Variants in CFAP69 observed in about 807,000 individuals in gnomAD.
The protein encoded by CFAP69 is cilia and flagella associated protein 69.
In CFAP69, 92 loss-of-function variants were observed where a neutral mutation model predicts 123.0. The ratio of observed to expected loss-of-function variants is 0.75; its 90% CI spans 0.63 to 0.89. CFAP69 has a LOEUF of 0.89. Among genes scored for constraint, CFAP69 ranks in the 40% least tolerant of loss-of-function variants. CFAP69 has a pLI of 0.00. For missense variants in CFAP69, 1,067 were observed against 1,096.9 expected, an observed-to-expected ratio of 0.97 and a Z score of 0.39; for synonymous variants, 380 against 364.3, an observed-to-expected ratio of 1.04 and a Z score of -0.49.
Position 90,245,509 on chromosome 7 carries a change from G to C in CFAP69, c.85G>C (p.Val29Leu), listed in dbSNP as rs573264446. ...NKSSSSSQIPVVGVVTEDDEA... is the reference protein window; with the variant it reads ...NKSSSSSQIPLVGVVTEDDEA... ...GTCTAGCAGTTCCAGTCAAATCCCG[G>C]TGGTTGGGGTGGTGACGGAGGACGA... is the stretch of plus-strand genomic sequence containing the variant. Residue 29 changes from valine (V) to leucine (L), a missense_variant, in exon 1 of 23, where the codon GTG becomes CTG. Val to Leu is a conservative substitution (Grantham distance 32, BLOSUM62 1). Coordinates refer to ENST00000389297, the MANE Select transcript of CFAP69 (RefSeq NM_001039706.3). 4 of 1,529,622 alleles carry C rather than the reference G, an allele frequency of 2.6e-6. No homozygotes were observed. Among genetic ancestry groups the C allele is most frequent in the Admixed American group, 2.2e-5 (1 of 45,572 alleles). The allele number at this position is 1,529,622 out of a possible 1,614,324, so 94.8% of individuals were successfully genotyped here.
At chr7:90,269,515 A>G (rs535226365) in intron 6 of CFAP69, among the ~76,000 whole-genome samples, 14 of 152,126 alleles carry the variant, frequency 9.2e-5, no homozygotes, top group African/African-American at 3.4e-4. Flanking sequence ...ATATTTGACA[A>G]AGGAGGAGAA....
chr7:90,292,753 A>G (rs1439678854), intron 15 of CFAP69, among the ~76,000 whole-genome samples: 1 of 152,196 alleles, frequency 6.6e-6, no homozygotes, highest in East Asian at 1.9e-4. Context: ...GTTAAAAAAG[A>G]TGATTTTAGA....
intron 13 of CFAP69, among the ~76,000 whole-genome samples, chr7:90,285,157 CAGA>C (rs1191995441): frequency 6.6e-6 from 1 of 152,108 alleles, no homozygotes; most frequent in Admixed American, 6.6e-5. Context: ...ACTGGATTCC[CAGA>C]AGATGTTCCT....
intron 3 of CFAP69, among the ~76,000 whole-genome samples, 196 bp downstream of exon 3, chr7:90,258,359 G>A (rs1562844650): frequency 6.6e-6 from 1 of 152,172 alleles, no homozygotes. Context: ...AAGTCAAGAT[G>A]TTGACAGGGC....
rs1796197162 is a variant in CFAP69, at chr7:90,245,373, C to T, written c.-52C>T. The T allele has an allele frequency of 3.4e-6, 5 of 1,453,276 alleles. No homozygotes were observed. In the South Asian group the frequency reaches 5.8e-5, roughly 17 times the overall value. The allele number at this position is 1,453,276 out of a possible 1,614,324, so 90.0% of individuals were successfully genotyped here. A position where few individuals can be genotyped will look rare whatever the true frequency, so the allele number is the denominator to read the frequency against. ...CCTCTTTGGGCCCAGCGGCTGCGGG[C>T]GCACTGTAGGACAGGAAGATCCCCC... On this transcript the variant is annotated 5_prime_UTR_variant, in exon 1 of 23. Coordinates refer to ENST00000389297, the MANE Select transcript of CFAP69 (RefSeq NM_001039706.3).
chr7:90,253,527 A>T (rs1396415921), intron 1 of CFAP69, among the ~76,000 whole-genome samples: 1 of 152,068 alleles, frequency 6.6e-6, no homozygotes, highest in East Asian at 1.9e-4. Context: ...AGTAGCTGGG[A>T]TTACAGGTGC....
At chr7:90,251,801 A>C (rs1433826366) in intron 1 of CFAP69, 1 of 152,196 alleles carries the variant, frequency 6.6e-6, no homozygotes, top group Admixed American at 6.5e-5. Context: ...ATGCAAGATA[A>C]ATCTAAGAGG....
At chr7:90,296,693 A>G (rs1792031603) in intron 15 of CFAP69, among the ~76,000 whole-genome samples, 1 of 152,212 alleles carries the variant, frequency 6.6e-6, no homozygotes, top group East Asian at 1.9e-4. Flanking sequence ...TTGGTTTTAT[A>G]CGTTTTGTGG....
chr7:90,298,341 T>G (rs1223735751), intron 16 of CFAP69, among the ~76,000 whole-genome samples: 3 of 152,184 alleles, frequency 2.0e-5, no homozygotes, highest in Non-Finnish European at 4.4e-5. Context: ...GGCCTTCCAA[T>G]AGAGACAGTG....
In CFAP69 at chr7:90,304,798, T is replaced by C. The variant is rs1793325904; in HGVS notation, c.2243T>C (p.Ile748Thr). ...SAEDFVTLCI[I>T]HRYLDFKIGE... ...GAAGATTTTGTCACCCTTTGTATCATACATAGATATCTTGATTTTAAAGTA... is the reference window on the plus strand; with the variant it reads ...GAAGATTTTGTCACCCTTTGTATCACACATAGATATCTTGATTTTAAAGTA... The change falls in exon 19 of 23, where the codon ATA (isoleucine) becomes ACA (threonine). Residue 748 changes from isoleucine to threonine, a missense_variant. Transcript: ENST00000389297. 1 of 1,516,828 alleles carries C rather than the reference T, an allele frequency of 6.6e-7. No homozygotes were observed. The highest frequency in any genetic ancestry group is 1.8e-5 in the Admixed American group (1 of 55,524). 94.0% of individuals were successfully genotyped at this position (1,516,828 alleles called of 1,614,324 possible). A position where few individuals can be genotyped will look rare whatever the true frequency, so the allele number is the denominator to read the frequency against.
chr7:90,277,218 A>G lies in CFAP69; in HGVS notation c.1039A>G (p.Ser347Gly). Residue 347 changes from serine (S) to glycine (G), a missense_variant, in exon 11 of 23, where the codon AGT (serine) becomes GGT (glycine). Transcript: ENST00000389297. ...TTACTTTTTTTCCCTCACAGTTAAA[A>G]GTCAAAATCTTTTGGTAAAAGGACT... ...ILFATFNEVKSQNLLVKGLKL... is the reference protein window; with the variant it reads ...ILFATFNEVKGQNLLVKGLKL... 1 of 1,586,820 alleles carries G rather than the reference A, an allele frequency of 6.3e-7. No homozygotes were observed. The highest frequency in any genetic ancestry group is 8.5e-7 in the Non-Finnish European group (1 of 1,171,052).
intron 6 of CFAP69, 106 bp from the exon 7 acceptor site, chr7:90,271,420 T>C: frequency 1.6e-6 from 2 of 1,239,142 alleles, no homozygotes; most frequent in South Asian, 3.1e-5. Flanking sequence ...CCATATACTT[T>C]TAAAAAGTTT....
intron 15 of CFAP69, among the ~76,000 whole-genome samples, chr7:90,291,294 T>C (rs1382543842): frequency 1.3e-5 from 2 of 152,148 alleles, no homozygotes; most frequent in African/African-American, 4.8e-5. Flanking sequence ...AACATATAAG[T>C]TAACTTCCTG....
intron 16 of CFAP69, among the ~76,000 whole-genome samples, chr7:90,298,440 A>G (rs915568462): frequency 1.3e-5 from 2 of 152,186 alleles, no homozygotes; most frequent in Admixed American, 6.5e-5. Context: ...GGAAACGTAC[A>G]ATTTTGTTTC....
the CFAP69 span, chr7:90,319,265 C>T: frequency 2.5e-6 from 1 of 394,778 alleles, no homozygotes; most frequent in Non-Finnish European, 4.5e-6. Flanking sequence ...AATTTGCTAC[C>T]TTGTTGGATA....
At chr7:90,297,238 G>A (rs1428930488) in intron 15 of CFAP69, among the ~76,000 whole-genome samples, 1 of 152,098 alleles carries the variant, frequency 6.6e-6, no homozygotes, top group African/African-American at 2.4e-5. Context: ...AATACTCACT[G>A]GTCAGTTGTG....
chr7:90,271,702 T>C (rs1307863296), intron 7 of CFAP69, 27 bp downstream of exon 7: 6 of 1,600,170 alleles, frequency 3.7e-6, no homozygotes, highest in Non-Finnish European at 5.1e-6. Context: ...GTTTAAACAC[T>C]TCATTGTCAA....
At chr7:90,245,574 T>G (rs1796225246) in intron 1 of CFAP69, 30 bp downstream of exon 1, 11 of 1,419,064 alleles carry the variant, frequency 7.8e-6, no homozygotes, top group South Asian at 3.3e-5. Flanking sequence ...CTTTCAGAGG[T>G]GGAGGGGGTG....
intron 13 of CFAP69, among the ~76,000 whole-genome samples, chr7:90,283,289 A>G (rs1243396024): frequency 1.3e-5 from 2 of 152,090 alleles, no homozygotes; most frequent in South Asian, 2.1e-4. Flanking sequence ...TTCATTTAGG[A>G]TTATCTTTAT....
Sources: allele counts gnomAD v4.1 joint callset (sites outside exome capture counted in the v4.1 genomes callset), GRCh38; gene constraint gnomAD v4.1.1; transcripts MANE v1.5; gene names NCBI Gene and HGNC (gene_info 2026-07-23, HGNC 2026-07-21).